SHISAL2A: variants seen among roughly 807,000 people sequenced by gnomAD.
SHISAL2A encodes protein shisa-like-2A.
A neutral mutation model predicts 11.5 loss-of-function variants in SHISAL2A; 18 were observed. The observed-to-expected ratio is 1.57, with a 90% CI of 1.08 to 2.33. The LOEUF (loss-of-function observed/expected upper bound fraction) is 2.33, where lower values mean the gene tolerates loss of function less well. Among genes scored for constraint, SHISAL2A ranks in the 30% most tolerant of loss-of-function variants. SHISAL2A has a pLI of 0.00. For missense variants in SHISAL2A, 261 were observed against 250.9 expected (o/e 1.04, Z -0.27); for synonymous variants, 94 against 99.6 (o/e 0.94, Z 0.34).
At position 52,649,522 on chromosome 1, in the gene SHISAL2A, C is replaced by T. The variant is rs534987624; in HGVS notation, c.322+6520C>T. Among the ~76,000 whole-genome samples, 20 of 152,268 alleles carry T rather than the reference C, an allele frequency of 1.3e-4. 1 individual carries two copies. The East Asian group carries it at 2.7e-3, about 21-fold the overall frequency. The stretch of plus-strand genomic sequence containing the variant: ...TTCTGAAATAGGCTTCTTTCCCTGC[C>T]CAGGCATTCTGTACTCTGTCCCATC... On this transcript the variant is annotated intron_variant, in intron 2 of 2. Coordinates refer to ENST00000517870, the MANE Select transcript of SHISAL2A (RefSeq NM_001042693.3).
chr1:52,660,350 A>G (rs180923311), downstream of SHISAL2A, among the ~76,000 whole-genome samples: 34 of 152,146 alleles, frequency 2.2e-4, no homozygotes, highest in East Asian at 6.0e-3. Context: ...TTTGAATTCA[A>G]TCAAGGCTCA....
intron 4 of SHISAL2A, among the ~76,000 whole-genome samples, chr1:52,664,881 C>T (rs192539101): frequency 2.0e-5 from 3 of 152,304 alleles, no homozygotes; most frequent in African/African-American, 7.2e-5. Flanking sequence ...CTTGACCTCC[C>T]TGGCATAAGT....
intron 2 of SHISAL2A, among the ~76,000 whole-genome samples, chr1:52,648,392 A>G (rs926714950): frequency 9.9e-5 from 15 of 152,122 alleles, no homozygotes; most frequent in Admixed American, 3.9e-4. Flanking sequence ...GTACCATATT[A>G]TTTGCTCTTT....
At chr1:52,644,303 G>A (rs1691444157) in intron 2 of SHISAL2A, among the ~76,000 whole-genome samples, 1 of 152,242 alleles carries the variant, frequency 6.6e-6, no homozygotes. Flanking sequence ...CCAGCATAGG[G>A]TAAGTAGTGG....
intron 1 of SHISAL2A, among the ~76,000 whole-genome samples, chr1:52,640,623 C>A (rs1443184289): frequency 6.6e-6 from 1 of 150,728 alleles, no homozygotes; most frequent in Non-Finnish European, 1.5e-5. Flanking sequence ...AAAAAAAAAA[C>A]AAACAAAAAA....
At chr1:52,662,606 C>G (rs945377963) in intron 4 of SHISAL2A, among the ~76,000 whole-genome samples, 1 of 151,728 alleles carries the variant, frequency 6.6e-6, no homozygotes, top group Admixed American at 6.6e-5. Flanking sequence ...CCACTTAGGC[C>G]TCCCAAAGTG....
intron 2 of SHISAL2A, among the ~76,000 whole-genome samples, chr1:52,654,270 T>TAGAC (rs1205358081): frequency 2.5e-5 from 3 of 121,142 alleles, no homozygotes; most frequent in Admixed American, 8.5e-5. Context: ...GACAGATAGA[T>TAGAC]AGATAGATAG....
Position 52,666,742 on chromosome 1 carries a change from A to C in SHISAL2A, n.696-657A>C, listed in dbSNP as rs116452097. ...GAAACTACCTCTGGCAAAATTAAGC[A>C]AAAAGGGTCTTTACTGGAAAGCTAT... On this transcript the variant is annotated intron_variant and non_coding_transcript_variant, in intron 4 of 5. Transcript: ENST00000401050. Among the ~76,000 whole-genome samples, 617 of 152,310 alleles carry C rather than the reference A, an allele frequency of 4.1e-3. 5 individuals are homozygous for C. Among genetic ancestry groups the C allele is most frequent in the African/African-American group, 0.014 (565 of 41,572 alleles).
intron 4 of SHISAL2A, among the ~76,000 whole-genome samples, chr1:52,665,431 G>T (rs1376558636): frequency 6.6e-6 from 1 of 152,092 alleles, no homozygotes; most frequent in Non-Finnish European, 1.5e-5. Context: ...CCCTAGGGAG[G>T]AGCAGTTGTC....
intron 2 of SHISAL2A, among the ~76,000 whole-genome samples, chr1:52,649,056 C>G (rs1691567232): frequency 6.6e-6 from 1 of 152,108 alleles, no homozygotes; most frequent in Non-Finnish European, 1.5e-5. Context: ...GCTTTAGGCT[C>G]TCTCTGCTTT....
At chr1:52,650,194 C>T (rs1349325678) in intron 2 of SHISAL2A, among the ~76,000 whole-genome samples, 2 of 152,214 alleles carry the variant, frequency 1.3e-5, no homozygotes, top group African/African-American at 4.8e-5. Flanking sequence ...ATGCTTCAGT[C>T]AGTGATGAGT....
At chr1:52,638,731 G>A (rs905882144) in intron 1 of SHISAL2A, among the ~76,000 whole-genome samples, 1 of 152,180 alleles carries the variant, frequency 6.6e-6, no homozygotes, top group Non-Finnish European at 1.5e-5. Context: ...TACTCCTCAG[G>A]GTTATCCCAC....
At chr1:52,660,122 G>A (rs1691874549), downstream of SHISAL2A, among the ~76,000 whole-genome samples, 1 of 152,102 alleles carries the variant, frequency 6.6e-6, no homozygotes, top group African/African-American at 2.4e-5. Flanking sequence ...GCTGGTCTGA[G>A]ACCACCCTTT....
chr1:52,633,418 G>A lies in SHISAL2A; in HGVS notation c.-76G>A, dbSNP rs1691169946. 9 of 1,287,022 alleles carry A rather than the reference G, an allele frequency of 7.0e-6. No individual in the cohort carries two copies. The highest frequency in any genetic ancestry group is 3.2e-5 in the African/African-American group (2 of 63,352). 79.7% of individuals were successfully genotyped at this position (1,287,022 alleles called of 1,614,324 possible). A position where few individuals can be genotyped will look rare whatever the true frequency, so the allele number is the denominator to read the frequency against. ...TCTCAGGCTCAGCTCCGTCTCGCTCGGTCCCTCGCTTCCCCGCCGGGCTCT... is the reference window on the plus strand; with the variant it reads ...TCTCAGGCTCAGCTCCGTCTCGCTCAGTCCCTCGCTTCCCCGCCGGGCTCT... On this transcript the variant is annotated 5_prime_UTR_variant, in exon 1 of 3. Coordinates refer to ENST00000517870, the MANE Select transcript of SHISAL2A (RefSeq NM_001042693.3). This position sits in a 1 kb window ranked among gnomAD's most constrained non-coding sequence, Gnocchi z 6.4.
intron 2 of SHISAL2A, 92 bp from the exon 3 acceptor site, chr1:52,656,698 C>T: frequency 1.4e-6 from 2 of 1,409,216 alleles, no homozygotes; most frequent in South Asian, 2.7e-5. Flanking sequence ...CCACAGTGCA[C>T]TGCCCAAGGT....
At chr1:52,643,194 T>C (rs41294518) in intron 2 of SHISAL2A, among the ~76,000 whole-genome samples, 192 bp downstream of exon 2, 1 of 152,254 alleles carries the variant, frequency 6.6e-6, no homozygotes, top group Non-Finnish European at 1.5e-5. Flanking sequence ...TTACATTGTT[T>C]GTCAAAATAA....
intron 2 of SHISAL2A, among the ~76,000 whole-genome samples, chr1:52,650,138 G>C (rs915818796): frequency 6.6e-6 from 1 of 152,140 alleles, no homozygotes; most frequent in Non-Finnish European, 1.5e-5. Context: ...AGAGCCCACT[G>C]CTTTTTAATT....
intron 2 of SHISAL2A, among the ~76,000 whole-genome samples, chr1:52,653,855 G>A (rs1691728863): frequency 6.6e-6 from 1 of 151,668 alleles, no homozygotes. Flanking sequence ...AGCCTCCCAA[G>A]GAGCTCAATG....
Position 52,633,534 on chromosome 1 carries a change from A to G in SHISAL2A, c.41A>G (p.Glu14Gly). The G allele has an allele frequency of 6.2e-7, 1 of 1,603,748 alleles. No homozygotes were observed. ...ACTSYVSAEQ[E>G]VVRGFSCPRP... Reference sequence around the variant, plus strand: ...ACGAGCTACGTGAGCGCAGAGCAGGAGGTGGTGCGCGGCTTCAGCTGCCCG... The same window carrying G: ...ACGAGCTACGTGAGCGCAGAGCAGGGGGTGGTGCGCGGCTTCAGCTGCCCG... Residue 14 changes from glutamate (E) to glycine (G), a missense_variant, in exon 1 of 3, where the codon GAG becomes GGG. By Grantham distance (98) the Glu-to-Gly change is moderately conservative. Coordinates refer to ENST00000517870, the MANE Select transcript of SHISAL2A (RefSeq NM_001042693.3). This position sits in a 1 kb window ranked among gnomAD's most constrained non-coding sequence, Gnocchi z 6.4.
Sources: gnomAD v4.1 joint callset for allele counts (sites outside exome capture counted in the v4.1 genomes callset) on GRCh38, gnomAD v4.1.1 for gene constraint, Gnocchi (gnomAD v3.1) non-coding constraint, MANE v1.5 for transcripts, NCBI Gene and HGNC (gene_info 2026-07-23, HGNC 2026-07-21) for gene names.